The following SEMA3A variants were observed in gnomAD, a reference collection of about 807,000 sequenced individuals.
SEMA3A encodes the protein semaphorin-3A.
Under a neutral mutation model 97.9 loss-of-function variants are expected in SEMA3A, and 29 were observed. The observed-to-expected ratio is 0.30, with a 90% confidence interval of 0.22 to 0.40. The LOEUF (loss-of-function observed/expected upper bound fraction) is 0.40, where lower values mean the gene tolerates loss of function less well. Among genes scored for constraint, SEMA3A ranks in the 10% least tolerant of loss-of-function variants. The pLI is 1.00. For synonymous variants in SEMA3A, 321 were observed against 323.7 expected, an observed-to-expected ratio of 0.99 and a Z score of 0.09; for missense variants, 763 against 951.3, an observed-to-expected ratio of 0.80 and a Z score of 2.60.
chr7:84,210,590 C>A (rs1383618171), intron 3 of SEMA3A, among the ~76,000 whole-genome samples: 1 of 151,982 alleles, frequency 6.6e-6, no homozygotes, highest in Non-Finnish European at 1.5e-5. Context: ...GTGACGAAAG[C>A]CATGAAAGGA....
chr7:84,473,178 C>T (rs900556403), intron 1 of SEMA3A, among the ~76,000 whole-genome samples: 1 of 116,684 alleles, frequency 8.6e-6, no homozygotes, highest in Non-Finnish European at 1.6e-5. Flanking sequence ...GTGTGTGAAA[C>T]CTACATACTT....
intron 2 of SEMA3A, among the ~76,000 whole-genome samples, chr7:84,341,633 C>A (rs902417614): frequency 1.3e-5 from 2 of 152,022 alleles, no homozygotes; most frequent in Non-Finnish European, 2.9e-5. Flanking sequence ...TCTACTTCTG[C>A]CCGAACAGTA....
chr7:84,486,994 G>T (rs1488959611), intron 1 of SEMA3A, among the ~76,000 whole-genome samples: 1 of 151,992 alleles, frequency 6.6e-6, no homozygotes, highest in African/African-American at 2.4e-5. Flanking sequence ...ACAATATTAA[G>T]TAATAAAACA....
chr7:84,480,880 AGC>A (rs1806426430), intron 1 of SEMA3A, among the ~76,000 whole-genome samples: 1 of 152,146 alleles, frequency 6.6e-6, no homozygotes, highest in Non-Finnish European at 1.5e-5. Context: ...GAAAGAGGGT[AGC>A]ATACCAAAAA....
At chr7:84,111,492 C>A (rs566049389) in intron 3 of SEMA3A, among the ~76,000 whole-genome samples, 1 of 152,116 alleles carries the variant, frequency 6.6e-6, no homozygotes, top group African/African-American at 2.4e-5. Context: ...CCATTGCCCC[C>A]ATAAAAGAAG....
chr7:84,359,371 G>A (rs1230668724), intron 2 of SEMA3A, among the ~76,000 whole-genome samples: 1 of 151,932 alleles, frequency 6.6e-6, no homozygotes, highest in Non-Finnish European at 1.5e-5. Context: ...TTTGTCAAAG[G>A]CCTTTTCTGC....
At chr7:84,342,491 T>C (rs1351658767) in intron 2 of SEMA3A, among the ~76,000 whole-genome samples, 1 of 152,186 alleles carries the variant, frequency 6.6e-6, no homozygotes, top group East Asian at 1.9e-4. Context: ...AGAAGGAATA[T>C]AGGCCTTCTA....
intron 1 of SEMA3A, among the ~76,000 whole-genome samples, chr7:84,424,654 T>A (rs1202568484): frequency 1.1e-5 from 1 of 94,718 alleles, no homozygotes. Context: ...TATATTTATA[T>A]ATTATATAAT....
chr7:84,429,155 T>C (rs1186875095), intron 1 of SEMA3A, among the ~76,000 whole-genome samples: 1 of 152,010 alleles, frequency 6.6e-6, no homozygotes. Flanking sequence ...ATAATTTAGT[T>C]ACTAATTGAG....
At chr7:84,296,935 G>C (rs1423241538) in intron 3 of SEMA3A, among the ~76,000 whole-genome samples, 2 of 152,078 alleles carry the variant, frequency 1.3e-5, no homozygotes, top group African/African-American at 4.8e-5. Context: ...TATTCAGTAA[G>C]ATGGCTTTCT....
In SEMA3A at chr7:84,062,287, G is replaced by A. The variant is rs184486266; in HGVS notation, c.454-1729C>T. On this transcript the variant is annotated intron_variant, in intron 4 of 16. Transcript: ENST00000265362. ...AAATTACAAACTTTTTCACAAATACGAATTTATCATAGGCATTTAAATATT... is the reference window on the plus strand; with the variant it reads ...AAATTACAAACTTTTTCACAAATACAAATTTATCATAGGCATTTAAATATT... Among the ~76,000 whole-genome samples, 7 of 152,076 alleles carry A rather than the reference G, an allele frequency of 4.6e-5. No individual in the cohort carries two copies. The East Asian group carries it at 1.2e-3, about 25-fold the overall frequency.
upstream of SEMA3A, among the ~76,000 whole-genome samples, chr7:84,198,776 T>G (rs1798293763): frequency 6.6e-6 from 1 of 152,174 alleles, no homozygotes; most frequent in Non-Finnish European, 1.5e-5. Context: ...TCAGTAGTTT[T>G]TAACCTCACC....
At chr7:84,386,673 A>T (rs944465936) in intron 1 of SEMA3A, among the ~76,000 whole-genome samples, 3 of 152,182 alleles carry the variant, frequency 2.0e-5, no homozygotes, top group African/African-American at 7.2e-5. Flanking sequence ...AACACTATCA[A>T]ATAAAAAACA....
At chr7:84,185,388 G>C (rs1797846489) in intron 1 of SEMA3A, among the ~76,000 whole-genome samples, 1 of 133,550 alleles carries the variant, frequency 7.5e-6, no homozygotes, top group South Asian at 2.1e-4. Context: ...ATAAGGGGCT[G>C]GGTGTGGGTG....
chr7:84,282,236 T>TA (rs994348221), intron 3 of SEMA3A, among the ~76,000 whole-genome samples: 10 of 152,074 alleles, frequency 6.6e-5, no homozygotes, highest in African/African-American at 1.2e-4. Flanking sequence ...GGTTTACAGT[T>TA]AAAAAAAACA....
Position 84,463,581 on chromosome 7 carries a change from G to A in SEMA3A, c.-246+28879C>T, listed in dbSNP as rs112705399. ...TAACTATTTAGCTTTGAAAGCTTAG[G>A]CTCCATTGACCCTTATTCCTTAAAA... On this transcript the variant is annotated intron_variant, in intron 1 of 3. Coordinates refer to the SEMA3A transcript ENST00000424555. 0.015 allele frequency among the ~76,000 whole-genome samples: 2,211 copies of A among 151,990 alleles called. 85 individuals carry two copies. The East Asian group carries it at 0.15, about 10-fold the overall frequency.
In SEMA3A at chr7:84,318,212, A is replaced by T. The variant is rs73189032; in HGVS notation, c.-168-10920T>A. 7.5e-3 allele frequency among the ~76,000 whole-genome samples: 1,143 copies of T among 152,138 alleles called. 7 individuals are homozygous for T. The highest frequency in any genetic ancestry group is 0.028 in the South Asian group (137 of 4,818). ...GTTAATACCAAATTGATAATCACCA[A>T]CTGTTAATAGTGATGATTTGTGATG... On this transcript the variant is annotated intron_variant, in intron 2 of 3. Coordinates refer to the SEMA3A transcript ENST00000424555.
intron 3 of SEMA3A, among the ~76,000 whole-genome samples, chr7:84,241,795 A>T (rs1200677198): frequency 6.6e-6 from 1 of 151,946 alleles, no homozygotes. Context: ...ATCTTGAGTT[A>T]ATTTTTGTAT....
intron 3 of SEMA3A, among the ~76,000 whole-genome samples, chr7:84,293,143 G>A (rs1229476236): frequency 6.6e-6 from 1 of 151,944 alleles, no homozygotes; most frequent in African/African-American, 2.4e-5. Flanking sequence ...TATACCTAAA[G>A]CACATTTTAA....
Sources: gnomAD v4.1 joint callset for allele counts (sites outside exome capture counted in the v4.1 genomes callset) on GRCh38, gnomAD v4.1.1 for gene constraint, MANE v1.5 for transcripts, NCBI Gene and HGNC (gene_info 2026-07-23, HGNC 2026-07-21) for gene names.